Variants in PRR22 observed in about 807,000 individuals in gnomAD.
The protein encoded by PRR22 is proline rich 22, also known as proline-rich protein 22.
In PRR22, 5 loss-of-function variants were observed where a neutral mutation model predicts 7.2. That is an observed-to-expected ratio of 0.69 (90% CI 0.36 to 1.45). PRR22 has a LOEUF of 1.45. PRR22 is among the 40% of genes most tolerant of loss of function. The pLI, the probability that PRR22 is intolerant of heterozygous loss-of-function variation, is 0.03. For missense variants in PRR22, 619 were observed against 568.8 expected, an observed-to-expected ratio of 1.09 and a Z score of -0.90; for synonymous variants, 319 against 269.3, an observed-to-expected ratio of 1.18 and a Z score of -1.81.
rs962949989 is a variant in PRR22, at chr19:5,783,767, C to G, written c.480G>C (p.Val160=). ...CGAAGGCGGCGGGCCCTGCGTCCCCCACAAAACCCAGAGCCTCTGGCCCGG... is the reference window on the plus strand; with the variant it reads ...CGAAGGCGGCGGGCCCTGCGTCCCCGACAAAACCCAGAGCCTCTGGCCCGG... The part of the protein sequence containing the change: ...EGPGPEALGF[V]GDAGPAAFVE... The change falls in exon 3 of 3, where the codon GTG becomes GTC. Residue 160 remains valine, a synonymous_variant. Coordinates refer to ENST00000419421, the MANE Select transcript of PRR22 (RefSeq NM_001134316.2). 2.7e-6 allele frequency: 4 copies of G among 1,486,180 alleles called. No homozygotes were observed. The highest frequency in any genetic ancestry group is 2.7e-6 in the Non-Finnish European group (3 of 1,117,110). The allele number at this position is 1,486,180 out of a possible 1,614,324, so 92.1% of individuals were successfully genotyped here. A position where few individuals can be genotyped will look rare whatever the true frequency, so the allele number is the denominator to read the frequency against.
chr19:5,784,134 GC>G, intron 2 of PRR22, 81 bp from the exon 3 acceptor site: 1 of 1,363,328 alleles, frequency 7.3e-7, no homozygotes, highest in Non-Finnish European at 1.0e-6. Flanking sequence ...TTTGGGAGAT[GC>G]CACAAGAACC....
chr19:5,783,689 TG>T lies in PRR22; in HGVS notation c.557del (p.Pro186HisfsTer105), dbSNP rs1599612959. On this transcript the variant is annotated frameshift_variant, in exon 3 of 3. Transcript: ENST00000419421. LOFTEE classifies it low-confidence loss of function (END_TRUNC). ...LEEGPAPLPP[P>X]PPKENKPPPV... is the part of the protein sequence containing the mutation. ...GGGGCGGCTTGTTCTCCTTGGGGGG[TG>T]GGGGTGGCAGCGGGGCCGGGCCTTC... 1.8e-6 allele frequency: 1 copy of T among 567,420 alleles called. No individual in the cohort carries two copies. The allele number at this position is 567,420 out of a possible 1,614,324, so 35.1% of individuals were successfully genotyped here. A position where few individuals can be genotyped will look rare whatever the true frequency, so the allele number is the denominator to read the frequency against.
At position 5,783,530 on chromosome 19, in the gene PRR22, G is replaced by C. The variant is rs1448367657; in HGVS notation, c.717C>G (p.Ala239=). Reference sequence around the variant, plus strand: ...GTGGGTACAGGGGCACCCCAGGTCGGGCCCCACTGCCCTGCAGCTCCTTGA... The same window carrying C: ...GTGGGTACAGGGGCACCCCAGGTCGCGCCCCACTGCCCTGCAGCTCCTTGA... The part of the protein sequence containing the change: ...FPVKELQGSG[A]RPGVPLYPPG... Residue 239 remains alanine (A), a synonymous_variant, in exon 3 of 3, where the codon GCC becomes GCG. Coordinates refer to ENST00000419421, the MANE Select transcript of PRR22 (RefSeq NM_001134316.2). 2 of 1,603,054 alleles carry C rather than the reference G, an allele frequency of 1.2e-6. No individual in the cohort carries two copies. The highest frequency in any genetic ancestry group is 2.7e-5 in the African/African-American group (2 of 74,854).
At position 5,784,616 on chromosome 19, in the gene PRR22, T is replaced by C; in HGVS notation, c.45A>G (p.Glu15=). 6.5e-7 allele frequency: 1 copy of C among 1,538,572 alleles called. No homozygotes were observed. The highest frequency in any genetic ancestry group is 8.7e-7 in the Non-Finnish European group (1 of 1,146,828). The change falls in exon 1 of 3, where the codon GAA becomes GAG. Residue 15 remains glutamate (E), a synonymous_variant. Coordinates refer to ENST00000419421, the MANE Select transcript of PRR22 (RefSeq NM_001134316.2). ...KPFCAPAAPQ[E]GFSPQSLEGA... ...CCTCCAGACTCTGCGGGCTGAAACC[T>C]TCCTGGGGAGCTGCAGGGGCACAGA...
chr19:5,784,199 G>A (rs777086805), intron 2 of PRR22, 146 bp from the exon 3 acceptor site: 8 of 1,067,952 alleles, frequency 7.5e-6, no homozygotes, highest in Non-Finnish European at 1.2e-5. Flanking sequence ...TTGGGGCCCT[G>A]GCTGGGTGAT....
In PRR22 at chr19:5,783,792, G is replaced by C; in HGVS notation, c.455C>G (p.Pro152Arg). ...CACAAAACCCAGAGCCTCTGGCCCGGGGCCCTCAGGCGGGAAGTAGGGCAA... is the reference window on the plus strand; with the variant it reads ...CACAAAACCCAGAGCCTCTGGCCCGCGGCCCTCAGGCGGGAAGTAGGGCAA... ...FLLPYFPPEG[P>R]GPEALGFVGD... The change falls in exon 3 of 3, where the codon CCC (proline) becomes CGC (arginine). Residue 152 changes from proline (P) to arginine (R), a missense_variant. By Grantham distance (103) the Pro-to-Arg change is moderately radical (BLOSUM62 -2). Transcript: ENST00000419421. 1 of 1,497,326 alleles carries C rather than the reference G, an allele frequency of 6.7e-7. No individual in the cohort carries two copies. Among genetic ancestry groups the C allele is most frequent in the Admixed American group, 2.4e-5 (1 of 42,068 alleles). 92.8% of individuals were successfully genotyped at this position (1,497,326 alleles called of 1,614,324 possible).
In PRR22 at chr19:5,783,943, C is replaced by G; in HGVS notation, c.304G>C (p.Gly102Arg). 1.9e-6 allele frequency: 3 copies of G among 1,590,398 alleles called. No individual in the cohort carries two copies. The highest frequency in any genetic ancestry group is 1.7e-6 in the Non-Finnish European group (2 of 1,169,300). Reference protein sequence around the residue: ...SALYKLAASSGGPAGVPSAPG... With the variant: ...SALYKLAASSRGPAGVPSAPG... ...GCGGAGGGGACCCCCGCTGGCCCCC[C>G]GCTGCTTGCTGCCAGCTTATACAGG... Residue 102 changes from glycine (G) to arginine (R), a missense_variant, in exon 3 of 3, where the codon GGG becomes CGG. Coordinates refer to ENST00000419421, the MANE Select transcript of PRR22 (RefSeq NM_001134316.2).
Position 5,782,976 on chromosome 19 carries a change from C to T in PRR22, c.*2G>A, listed in dbSNP as rs921775573. 8 of 1,515,180 alleles carry T rather than the reference C, an allele frequency of 5.3e-6. No homozygotes were observed. The African/African-American group carries it at 7.0e-5, about 13-fold the overall frequency. The allele number at this position is 1,515,180 out of a possible 1,614,324, so 93.9% of individuals were successfully genotyped here. ...ACATGGAGCTGAAAGGTCAAATGTG[C>T]TTTAATGCGGGGTGGCTCCCAGGTC... On this transcript the variant is annotated 3_prime_UTR_variant, in exon 3 of 3. Transcript: ENST00000419421.
At chr19:5,784,287 G>T in intron 2 of PRR22, 90 bp downstream of exon 2, 2 of 1,399,724 alleles carry the variant, frequency 1.4e-6, no homozygotes, top group Non-Finnish European at 2.0e-6. Context: ...ATGCCTTCAG[G>T]CTCCCACTTA....
In PRR22 at chr19:5,784,056, G is replaced by A. The variant is rs1472404492; in HGVS notation, c.194-3C>T. ...CCCGCATGGGGCCATCTGGAAACCTGTGGGCGGCAGGCGGGTGCCCTGAGA... is the reference window on the plus strand; with the variant it reads ...CCCGCATGGGGCCATCTGGAAACCTATGGGCGGCAGGCGGGTGCCCTGAGA... On this transcript the variant is annotated splice_polypyrimidine_tract_variant and splice_region_variant and intron_variant, in intron 2 of 2. Transcript: ENST00000419421. The A allele has an allele frequency of 2.2e-5, 35 of 1,611,724 alleles. No individual in the cohort carries two copies. The East Asian group carries it at 6.7e-4, about 31-fold the overall frequency.
rs140461302 is a variant in PRR22 at position 5,783,446 on chromosome 19, G to C, written c.801C>G (p.Gly267=). Residue 267 remains glycine (G), a synonymous_variant, in exon 3 of 3, where the codon GGC becomes GGG. Coordinates refer to ENST00000419421, the MANE Select transcript of PRR22 (RefSeq NM_001134316.2). ...TGGCCGTCTTGGGGGCCTTGGCCTT[G>C]CCTGCTCCCAGCAGGGCCCCCTCCT... ...EVKEGALLGA[G]KAKAPKTARA... 1.2e-6 allele frequency: 2 copies of C among 1,610,928 alleles called. No individual in the cohort carries two copies. Among genetic ancestry groups the C allele is most frequent in the South Asian group, 2.2e-5 (2 of 90,910 alleles).
chr19:5,783,837 G>A lies in PRR22; in HGVS notation c.410C>T (p.Pro137Leu). ...GGGCAAGAGAAACTGGGGCCCCCCG[G>A]GTGCCTGCTGGTAGTGGGGGTATGG... ...LPPYPHYQQAPGGPQFLLPYF... is the reference protein window; with the variant it reads ...LPPYPHYQQALGGPQFLLPYF... The change falls in exon 3 of 3, where the codon CCC becomes CTC. Residue 137 changes from proline to leucine, a missense_variant. Pro to Leu is a moderately conservative substitution (Grantham distance 98). Transcript: ENST00000419421. The A allele has an allele frequency of 1.3e-6, 2 of 1,545,272 alleles. No individual in the cohort carries two copies. Among genetic ancestry groups the A allele is most frequent in the Non-Finnish European group, 1.7e-6 (2 of 1,144,774 alleles).
At position 5,784,481 on chromosome 19, in the gene PRR22, G is replaced by A. The variant is rs1041992772; in HGVS notation, c.131-42C>T. On this transcript the variant is annotated intron_variant, in intron 1 of 2. Coordinates refer to ENST00000419421, the MANE Select transcript of PRR22 (RefSeq NM_001134316.2). ...CCAGGTGGGTAGGGCCCTTAGGCGG[G>A]TGGGCCCCTGAACCCTCTCCAGCAG... The A allele has an allele frequency of 2.6e-6, 4 of 1,550,070 alleles. No individual in the cohort carries two copies. The African/African-American group carries it at 5.5e-5, about 21-fold the overall frequency.
intron 2 of PRR22, 158 bp from the exon 3 acceptor site, chr19:5,784,211 G>A (rs746435230): frequency 1.5e-5 from 16 of 1,067,860 alleles, no homozygotes; most frequent in Non-Finnish European, 2.3e-5. Context: ...CTGGGTGATG[G>A]ATGACACAGA....
rs1206983529 is a variant in PRR22 at position 5,784,565 on chromosome 19, AG to A, written c.95del (p.Pro32LeufsTer15). ...GAGGAGGCTCGGCACAGGTGGGAGC[AG>A]GCTGGTTGCCCAGCACCTCAGCCCC... Reference protein sequence around the residue: ...LEGAEVLGNQPAPTCAEPPPA... With the variant: ...LEGAEVLGNQXAPTCAEPPPA... On this transcript the variant is annotated frameshift_variant, in exon 1 of 3. Transcript: ENST00000419421. LOFTEE classifies it high-confidence loss of function. 3.2e-6 allele frequency: 5 copies of A among 1,547,566 alleles called. No homozygotes were observed. In the African/African-American group the frequency reaches 4.1e-5, roughly 13 times the overall value.
chr19:5,783,292 C>A lies in PRR22; in HGVS notation c.955G>T (p.Gly319Cys), dbSNP rs756209454. 4.3e-6 allele frequency: 7 copies of A among 1,612,852 alleles called. No individual in the cohort carries two copies. In the East Asian group the frequency reaches 1.6e-4, roughly 36 times the overall value. ...VPGPALPDSSGGNSADDIRSL... is the reference protein window; with the variant it reads ...VPGPALPDSSCGNSADDIRSL... ...CGGATGTCATCGGCTGAGTTCCCAC[C>A]ACTGCTGTCAGGCAGGGCCGGCCCA... Residue 319 changes from glycine (G) to cysteine (C), a missense_variant, in exon 3 of 3, where the codon GGT becomes TGT. By Grantham distance (159) the Gly-to-Cys change is radical. Transcript: ENST00000419421.
In PRR22 at chr19:5,784,445, G is replaced by C. The variant is rs1323179807; in HGVS notation, c.131-6C>G. 6.4e-7 allele frequency: 1 copy of C among 1,556,270 alleles called. No homozygotes were observed. The highest frequency in any genetic ancestry group is 8.7e-7 in the Non-Finnish European group (1 of 1,149,656). On this transcript the variant is annotated splice_region_variant and splice_polypyrimidine_tract_variant and intron_variant, in intron 1 of 2. Transcript: ENST00000419421. ...ATGATACAGGTTCAAGGAGCCTGTGGACAAAGGTGCCCAGGTGGGTAGGGC... is the reference window on the plus strand; with the variant it reads ...ATGATACAGGTTCAAGGAGCCTGTGCACAAAGGTGCCCAGGTGGGTAGGGC...
rs759133214 is a variant in PRR22, at chr19:5,783,081, G to A, written c.1166C>T (p.Thr389Met). Reference sequence around the variant, plus strand: ...CCTTCCCGGCTTTCCCTTCTTGGCCGTCGAGGCCTTTCTCTTGCCAGACAG... The same window carrying A: ...CCTTCCCGGCTTTCCCTTCTTGGCCATCGAGGCCTTTCTCTTGCCAGACAG... ...PILSGKRKAS[T>M]AKKGKPGRKA... Residue 389 changes from threonine (T) to methionine (M), a missense_variant, in exon 3 of 3, where the codon ACG becomes ATG. Transcript: ENST00000419421. The A allele has an allele frequency of 1.2e-5, 20 of 1,605,102 alleles. No individual in the cohort carries two copies. Among genetic ancestry groups the A allele is most frequent in the Admixed American group, 8.4e-5 (5 of 59,458 alleles).
At position 5,784,364 on chromosome 19, in the gene PRR22, G is replaced by C. The variant is rs753528316; in HGVS notation, c.193+13C>G. 6.2e-7 allele frequency: 1 copy of C among 1,610,560 alleles called. No homozygotes were observed. Among genetic ancestry groups the C allele is most frequent in the Non-Finnish European group, 8.5e-7 (1 of 1,178,618 alleles). Reference sequence around the variant, plus strand: ...ACTCCCAGCCTCGTCAAGGGCTCAGGGGAGGCCGGTACCTGCTGGTGGGGC... The same window carrying C: ...ACTCCCAGCCTCGTCAAGGGCTCAGCGGAGGCCGGTACCTGCTGGTGGGGC... On this transcript the variant is annotated intron_variant, in intron 2 of 2. Transcript: ENST00000419421.
Sources: allele counts gnomAD v4.1 joint callset, GRCh38; gene constraint gnomAD v4.1.1; transcripts MANE v1.5; gene names NCBI Gene and HGNC (gene_info 2026-07-23, HGNC 2026-07-21).